CTNND2: variants seen among roughly 807,000 people sequenced by gnomAD.
CTNND2 encodes catenin delta 2, also known as catenin delta-2.
In CTNND2, 22 loss-of-function variants were observed where a neutral mutation model predicts 144.4. The ratio of observed to expected loss-of-function variants is 0.15; its 90% confidence interval spans 0.11 to 0.22. CTNND2 has a LOEUF of 0.22. Among genes scored for constraint, CTNND2 ranks in the 10% least tolerant of loss-of-function variants. The pLI, the probability that CTNND2 is intolerant of heterozygous loss-of-function variation, is 1.00. For missense variants in CTNND2, 1,353 were observed against 1,618.8 expected, an observed-to-expected ratio of 0.84 and a Z score of 2.82; for synonymous variants, 751 against 695.6, an observed-to-expected ratio of 1.08 and a Z score of -1.25.
intron 2 of CTNND2, among the ~76,000 whole-genome samples, chr5:11,622,464 G>A (rs553431271): frequency 1.3e-5 from 2 of 152,146 alleles, no homozygotes; most frequent in Non-Finnish European, 2.9e-5. Context: ...TTTGCTGTAA[G>A]AGTTCTTATC....
rs529230789 is a variant in CTNND2 at position 11,111,994 on chromosome 5, C to G, written c.2278-951G>C. 2.6e-5 allele frequency among the ~76,000 whole-genome samples: 4 copies of G among 152,040 alleles called. No homozygotes were observed. The South Asian group carries it at 8.3e-4, about 32-fold the overall frequency. On this transcript the variant is annotated intron_variant, in intron 13 of 21. Coordinates refer to ENST00000304623, the MANE Select transcript of CTNND2 (RefSeq NM_001332.4). ...CCCAAGTAGCTGGGACTACAGGCACCCGCCACTACGCCCAGCTAATTTTTT... is the reference window on the plus strand; with the variant it reads ...CCCAAGTAGCTGGGACTACAGGCACGCGCCACTACGCCCAGCTAATTTTTT...
chr5:11,469,906 G>C (rs879699262), intron 3 of CTNND2, among the ~76,000 whole-genome samples: 1 of 152,008 alleles, frequency 6.6e-6, no homozygotes, highest in East Asian at 1.9e-4. Flanking sequence ...TCTCACTGCT[G>C]TTGCCTTCGT....
At chr5:11,752,152 G>A (rs114743061) in intron 1 of CTNND2, among the ~76,000 whole-genome samples, 5 of 151,808 alleles carry the variant, frequency 3.3e-5, no homozygotes, top group East Asian at 3.9e-4. Flanking sequence ...CATTCTGTAC[G>A]CCGTCTGTTT....
chr5:11,075,579 G>A (rs2973522), intron 16 of CTNND2, among the ~76,000 whole-genome samples: 29,063 of 152,138 alleles, frequency 0.19, 5,350 homozygotes, highest in East Asian at 0.58. Flanking sequence ...CAGGGAGCTA[G>A]GAGGATGCTT....
At position 11,384,415 on chromosome 5, in the gene CTNND2, G is replaced by C. The variant is rs933838613; in HGVS notation, c.1177+250C>G. 8 of 527,408 alleles carry C rather than the reference G, an allele frequency of 1.5e-5. No individual in the cohort carries two copies. The highest frequency in any genetic ancestry group is 2.0e-5 in the Non-Finnish European group (6 of 299,954). 32.7% of individuals were successfully genotyped at this position (527,408 alleles called of 1,614,324 possible). On this transcript the variant is annotated intron_variant, in intron 7 of 21. Transcript: ENST00000304623. This position sits in a 1 kb window ranked among gnomAD's most constrained non-coding sequence, Gnocchi z 5.2. ...GGCTGGGGAGAGGGCAGAGAGAGAAGAGAGGAGAGAAGAGAGTGATATAGG... is the reference window on the plus strand; with the variant it reads ...GGCTGGGGAGAGGGCAGAGAGAGAACAGAGGAGAGAAGAGAGTGATATAGG...
intron 3 of CTNND2, among the ~76,000 whole-genome samples, chr5:11,541,095 A>T (rs1175632135): frequency 1.3e-5 from 2 of 152,174 alleles, no homozygotes; most frequent in African/African-American, 4.8e-5. Flanking sequence ...TGAGGAGAGC[A>T]GCAGCTTGAG....
At chr5:11,501,290 G>C (rs1399106954) in intron 3 of CTNND2, among the ~76,000 whole-genome samples, 1 of 152,186 alleles carries the variant, frequency 6.6e-6, no homozygotes, top group Non-Finnish European at 1.5e-5. Flanking sequence ...AGTTTCACAT[G>C]CTCCAAGAAC....
intron 9 of CTNND2, among the ~76,000 whole-genome samples, chr5:11,278,170 G>A (rs1450199688): frequency 3.3e-5 from 5 of 152,038 alleles, no homozygotes; most frequent in Admixed American, 1.3e-4. Flanking sequence ...CTCAAGGGAC[G>A]CGCCAATCCA....
chr5:11,094,889 T>C (rs1384849710), intron 15 of CTNND2, among the ~76,000 whole-genome samples: 1 of 152,238 alleles, frequency 6.6e-6, no homozygotes, highest in East Asian at 1.9e-4. Context: ...TAGACCTTTC[T>C]GCCATTTTCC....
chr5:11,600,424 G>A (rs561758636), intron 2 of CTNND2, among the ~76,000 whole-genome samples: 106 of 152,128 alleles, frequency 7.0e-4, no homozygotes, highest in Admixed American at 1.4e-3. Context: ...ATGAAGATTA[G>A]GCCAGGCATA....
intron 2 of CTNND2, among the ~76,000 whole-genome samples, chr5:11,606,413 A>G (rs769641572): frequency 6.6e-6 from 1 of 152,222 alleles, no homozygotes; most frequent in South Asian, 2.1e-4. Context: ...ACAGCAGTGG[A>G]AAGTATCAGA....
At chr5:11,760,906 C>A (rs4377705) in intron 1 of CTNND2, among the ~76,000 whole-genome samples, 150,353 of 152,280 alleles carry the variant, frequency 0.99, 74,256 homozygotes, top group Middle Eastern at 1. Flanking sequence ...AATGAATGAA[C>A]GAATGAACAG....
In CTNND2 at chr5:11,283,673, C is replaced by CAAAAAAA. The variant is rs70947250; in HGVS notation, c.1629-46857_1629-46851dup. On this transcript the variant is annotated intron_variant, in intron 9 of 21. Coordinates refer to ENST00000304623, the MANE Select transcript of CTNND2 (RefSeq NM_001332.4). ...TGGGTGAAAGAGTGAGACTCCGTCT[C>CAAAAAAA]AAAAAAAAAAAAAAAAAAAAAAAAA... Among the ~76,000 whole-genome samples the CAAAAAAA allele has an allele frequency of 9.2e-3, 290 of 31,616 alleles. 52 individuals are homozygous for CAAAAAAA. The highest frequency in any genetic ancestry group is 0.014 in the Non-Finnish European group (240 of 17,282). The allele number at this position is 31,616 out of a possible 152,430, so 20.7% of individuals were successfully genotyped here. A position where few individuals can be genotyped will look rare whatever the true frequency, so the allele number is the denominator to read the frequency against.
intron 2 of CTNND2, among the ~76,000 whole-genome samples, chr5:11,711,746 T>C (rs1786046576): frequency 6.6e-6 from 1 of 152,232 alleles, no homozygotes; most frequent in Non-Finnish European, 1.5e-5. Context: ...GTTTTGTCTA[T>C]GGATAACATT....
rs147276763 is a variant in CTNND2 at position 11,483,833 on chromosome 5, T to A, written c.288-71764A>T. Among the ~76,000 whole-genome samples the A allele has an allele frequency of 5.8e-3, 887 of 152,078 alleles. 25 individuals are homozygous for A. The highest frequency in any genetic ancestry group is 0.039 in the Admixed American group (595 of 15,282). On this transcript the variant is annotated intron_variant, in intron 3 of 21. Coordinates refer to ENST00000304623, the MANE Select transcript of CTNND2 (RefSeq NM_001332.4). ...AGGAGTATACTGGAAGATCAGAGAGTGAAGCAGGAAACAGACTCAGAAGAA... is the reference window on the plus strand; with the variant it reads ...AGGAGTATACTGGAAGATCAGAGAGAGAAGCAGGAAACAGACTCAGAAGAA...
chr5:11,227,953 C>T (rs895784085), intron 10 of CTNND2, among the ~76,000 whole-genome samples: 2 of 152,112 alleles, frequency 1.3e-5, no homozygotes, highest in Non-Finnish European at 2.9e-5. Context: ...GTGTAGGAAG[C>T]AGGCTGTTTT....
chr5:11,790,303 C>G (rs1452542403), intron 1 of CTNND2, among the ~76,000 whole-genome samples: 1 of 152,274 alleles, frequency 6.6e-6, no homozygotes, highest in East Asian at 1.9e-4. Flanking sequence ...GTTTCAGCCA[C>G]TTAGTGCCTG....
At chr5:11,602,989 T>A (rs976242513) in intron 2 of CTNND2, among the ~76,000 whole-genome samples, 6 of 151,868 alleles carry the variant, frequency 4.0e-5, no homozygotes, top group Middle Eastern at 3.4e-3. Context: ...TACTTAAATA[T>A]TTTGATAAGT....
At chr5:11,708,203 C>G (rs1238822036) in intron 2 of CTNND2, among the ~76,000 whole-genome samples, 1 of 151,850 alleles carries the variant, frequency 6.6e-6, no homozygotes, top group Non-Finnish European at 1.5e-5. Flanking sequence ...CATGCCACCA[C>G]ACCTGGCTAT....
Sources: allele counts gnomAD v4.1 joint callset (sites outside exome capture counted in the v4.1 genomes callset), GRCh38; gene constraint gnomAD v4.1.1; non-coding constraint Gnocchi (gnomAD v3.1); transcripts MANE v1.5; gene names NCBI Gene and HGNC (gene_info 2026-07-23, HGNC 2026-07-21).